The following NALCN variants were observed in gnomAD, a reference collection of about 807,000 sequenced individuals.
The protein encoded by NALCN is sodium leak channel NALCN.
Under a neutral mutation model 225.3 loss-of-function variants are expected in NALCN, and 111 were observed. The observed-to-expected ratio is 0.49, with a 90% CI of 0.42 to 0.58. NALCN has a LOEUF of 0.58. Among genes scored for constraint, NALCN ranks in the 20% least tolerant of loss-of-function variants. The probability of loss-of-function intolerance (pLI) is 0.00; values close to 1 mark genes in which losing one functional copy is unlikely to be tolerated. For synonymous variants in NALCN, 764 were observed against 769.0 expected, an observed-to-expected ratio of 0.99 and a Z score of 0.11; for missense variants, 1,378 against 2,202.4, an observed-to-expected ratio of 0.63 and a Z score of 7.49.
At chr13:101,204,186 T>C (rs1020282436) in intron 13 of NALCN, among the ~76,000 whole-genome samples, 2 of 152,172 alleles carry the variant, frequency 1.3e-5, no homozygotes, top group Admixed American at 1.3e-4. Flanking sequence ...TCAATTACCT[T>C]TATGTTAATA....
chr13:101,171,353 T>C (rs1454666823), intron 15 of NALCN, among the ~76,000 whole-genome samples: 1 of 149,324 alleles, frequency 6.7e-6, no homozygotes, highest in African/African-American at 2.4e-5. Context: ...TACAAAATTA[T>C]AATATATTTT....
At chr13:101,127,281 T>C (rs2036281075) in intron 17 of NALCN, among the ~76,000 whole-genome samples, 2 of 152,206 alleles carry the variant, frequency 1.3e-5, no homozygotes, top group Non-Finnish European at 2.9e-5. Context: ...AGAACTGTTT[T>C]TATAACTAAT....
At chr13:101,182,294 G>A (rs1261535290) in intron 14 of NALCN, among the ~76,000 whole-genome samples, 1 of 152,150 alleles carries the variant, frequency 6.6e-6, no homozygotes, top group African/African-American at 2.4e-5. Context: ...CCTCAAGGCA[G>A]ATGCATTTGA....
At chr13:101,072,019 A>G (rs760966214) in intron 37 of NALCN, among the ~76,000 whole-genome samples, 4 of 152,218 alleles carry the variant, frequency 2.6e-5, no homozygotes, top group African/African-American at 7.2e-5. Context: ...AGCAATCAGA[A>G]GACATATGAC....
chr13:101,150,258 G>A (rs1001762696), intron 15 of NALCN, among the ~76,000 whole-genome samples: 1 of 152,134 alleles, frequency 6.6e-6, no homozygotes, highest in Non-Finnish European at 1.5e-5. Flanking sequence ...GGGTGGCGGG[G>A]AGCGGGAGGG....
chr13:101,058,143 G>T, intron 42 of NALCN, 87 bp from the exon 43 acceptor site: 1 of 1,126,370 alleles, frequency 8.9e-7, no homozygotes. Context: ...CACATGGCAG[G>T]AGGACAAGTG....
intron 7 of NALCN, among the ~76,000 whole-genome samples, chr13:101,317,024 T>C (rs1164037380): frequency 6.6e-6 from 1 of 152,190 alleles, no homozygotes; most frequent in Admixed American, 6.6e-5. Flanking sequence ...AAATTCTTTA[T>C]TGAAATGCAC....
At chr13:101,087,893 G>A (rs75316567) in intron 30 of NALCN, among the ~76,000 whole-genome samples, 1,666 of 152,220 alleles carry the variant, frequency 0.011, 30 homozygotes, top group African/African-American at 0.039. Flanking sequence ...GCTTCTTAAC[G>A]GTGTTCTGGG....
chr13:101,086,333 G>A lies in NALCN; in HGVS notation c.3490-2529C>T, dbSNP rs531811632. On this transcript the variant is annotated intron_variant, in intron 30 of 43. Coordinates refer to ENST00000251127, the MANE Select transcript of NALCN (RefSeq NM_052867.4). ...TACACTTAAAACGATACATTTATTT[G>A]TAATTACTGATTTACCTATACCTCA... Among the ~76,000 whole-genome samples the A allele has an allele frequency of 9.2e-5, 14 of 151,830 alleles. No homozygotes were observed. In the South Asian group the frequency reaches 2.9e-3, roughly 32 times the overall value.
chr13:101,334,218 A>G (rs2045285090), intron 7 of NALCN, among the ~76,000 whole-genome samples: 1 of 152,156 alleles, frequency 6.6e-6, no homozygotes, highest in African/African-American at 2.4e-5. Context: ...ACGGTGGGAC[A>G]CATGTAGAAC....
intron 1 of NALCN, among the ~76,000 whole-genome samples, chr13:101,410,753 C>A (rs2047756534): frequency 6.6e-6 from 1 of 152,180 alleles, no homozygotes; most frequent in African/African-American, 2.4e-5. Context: ...AGGATTTACC[C>A]TGTAGATACT....
intron 15 of NALCN, among the ~76,000 whole-genome samples, chr13:101,147,871 G>C (rs9585629): frequency 6.6e-6 from 1 of 151,866 alleles, no homozygotes; most frequent in African/African-American, 2.4e-5. Context: ...CACCTCTGCC[G>C]GCCCTCTGCT....
In NALCN at chr13:101,075,961, C is replaced by T. The variant is rs2033225729; in HGVS notation, c.3886-20G>A. The T allele has an allele frequency of 1.2e-6, 2 of 1,601,124 alleles. No individual in the cohort carries two copies. The highest frequency in any genetic ancestry group is 1.7e-5 in the Admixed American group (1 of 57,628). On this transcript the variant is annotated intron_variant, in intron 34 of 43. Transcript: ENST00000251127. ...TGCATTCTGAAATTTAAACAGAAGACAGCTTCTCATAATTTGCACAAAAGA... is the reference window on the plus strand; with the variant it reads ...TGCATTCTGAAATTTAAACAGAAGATAGCTTCTCATAATTTGCACAAAAGA...
At chr13:101,120,801 C>T (rs974978893) in intron 18 of NALCN, among the ~76,000 whole-genome samples, 3 of 152,226 alleles carry the variant, frequency 2.0e-5, no homozygotes. Context: ...CCAGGCAGGT[C>T]GCTTTCTCTT....
intron 15 of NALCN, among the ~76,000 whole-genome samples, chr13:101,150,917 T>G (rs2037615657): frequency 6.6e-6 from 1 of 152,048 alleles, no homozygotes; most frequent in South Asian, 2.1e-4. Context: ...TTTCTCATAT[T>G]GAAAAATCTA....
At chr13:101,227,732 C>T (rs546556279) in intron 13 of NALCN, among the ~76,000 whole-genome samples, 23 of 152,272 alleles carry the variant, frequency 1.5e-4, no homozygotes, top group Admixed American at 4.6e-4. Flanking sequence ...AACCTGGTGC[C>T]TTCCCTACTA....
chr13:101,191,932 A>T lies in NALCN; in HGVS notation c.1749T>A (p.His583Gln). The T allele has an allele frequency of 6.2e-7, 1 of 1,609,772 alleles. No homozygotes were observed. The highest frequency in any genetic ancestry group is 8.5e-7 in the Non-Finnish European group (1 of 1,178,142). Residue 583 changes from histidine (H) to glutamine (Q), a missense_variant, in exon 14 of 44, where the codon CAT becomes CAA. By Grantham distance (24) the His-to-Gln change is conservative. Around this residue, in one of 19 missense-constraint regions of NALCN, gnomAD observed 62 missense variants for 143.6 expected, o/e 0.43. Coordinates refer to ENST00000251127, the MANE Select transcript of NALCN (RefSeq NM_052867.4). ...PVVAIYFILY[H>Q]LFATLILLSL... ...CTGAACTCACCAGAGTGGCAAAAAG[A>T]TGATAGAGAATGAAATAGATGGCAA...
chr13:101,071,110 C>T (rs142087673), intron 37 of NALCN, among the ~76,000 whole-genome samples: 4 of 152,296 alleles, frequency 2.6e-5, no homozygotes, highest in South Asian at 2.1e-4. Flanking sequence ...CCTGGTCCCT[C>T]CCACGACACA....
At chr13:101,290,658 A>G (rs946134789) in intron 9 of NALCN, among the ~76,000 whole-genome samples, 1 of 152,226 alleles carries the variant, frequency 6.6e-6, no homozygotes, top group Non-Finnish European at 1.5e-5. Flanking sequence ...TTACAGCATC[A>G]TAAAGATGCC....
Sources: allele counts gnomAD v4.1 joint callset (sites outside exome capture counted in the v4.1 genomes callset), GRCh38; gene constraint gnomAD v4.1.1; regional missense constraint gnomAD v4.1.1; transcripts MANE v1.5; gene names NCBI Gene and HGNC (gene_info 2026-07-23, HGNC 2026-07-21).